Variants in KIAA1671 observed in about 807,000 individuals in gnomAD.
KIAA1671 encodes KIAA1671, also known as uncharacterized protein KIAA1671.
A neutral mutation model predicts 131.2 loss-of-function variants in KIAA1671; 52 were observed. The observed-to-expected ratio is 0.40, with a 90% CI of 0.32 to 0.50. The LOEUF is 0.50. Ranked by LOEUF, KIAA1671 falls within the 20% of genes least tolerant of loss-of-function variation. The probability of loss-of-function intolerance (pLI) is 0.73; values close to 1 mark genes in which losing one functional copy is unlikely to be tolerated. For missense variants in KIAA1671, 2,360 were observed against 2,364.2 expected, an observed-to-expected ratio of 1.00 and a Z score of 0.04; for synonymous variants, 1,003 against 961.6, an observed-to-expected ratio of 1.04 and a Z score of -0.80.
At chr22:25,018,867 G>T (rs7292556) in intron 1 of KIAA1671, among the ~76,000 whole-genome samples, 20,456 of 152,054 alleles carry the variant, frequency 0.13, 2,340 homozygotes, top group African/African-American at 0.31. Context: ...TTCAAACATT[G>T]GTGTACAAAT....
chr22:25,151,581 T>A (rs1032794608), intron 6 of KIAA1671, among the ~76,000 whole-genome samples: 2 of 151,226 alleles, frequency 1.3e-5, no homozygotes, highest in Admixed American at 1.3e-4. Context: ...ACAGGTGTAG[T>A]CCACCACACC....
chr22:25,165,962 G>C (rs1933632541), intron 6 of KIAA1671, among the ~76,000 whole-genome samples: 1 of 152,146 alleles, frequency 6.6e-6, no homozygotes, highest in Non-Finnish European at 1.5e-5. Flanking sequence ...ACCCATGCAG[G>C]TCCCGCAGGC....
intron 1 of KIAA1671, among the ~76,000 whole-genome samples, chr22:24,988,916 T>G (rs1923693975): frequency 6.6e-6 from 1 of 152,024 alleles, no homozygotes; most frequent in African/African-American, 2.4e-5. Context: ...TTGGAAAAAC[T>G]GAGGCTCAAA....
intron 1 of KIAA1671, among the ~76,000 whole-genome samples, chr22:24,989,034 C>T (rs530345380): frequency 1.4e-4 from 22 of 152,160 alleles, no homozygotes; most frequent in Non-Finnish European, 2.8e-4. Flanking sequence ...ACTCCCAGGC[C>T]CAGTACACTC....
chr22:25,004,205 T>G (rs2123866354), intron 1 of KIAA1671, among the ~76,000 whole-genome samples: 1 of 151,936 alleles, frequency 6.6e-6, no homozygotes, highest in African/African-American at 2.4e-5. Flanking sequence ...AGCCTTGAAC[T>G]CCTGGGCTCC....
intron 6 of KIAA1671, among the ~76,000 whole-genome samples, chr22:25,142,682 A>C (rs1932823636): frequency 6.6e-6 from 1 of 152,044 alleles, no homozygotes; most frequent in African/African-American, 2.4e-5. Context: ...GACCAGCCTG[A>C]CTGATATGGT....
At chr22:25,179,125 G>GA (rs1256542859) in intron 9 of KIAA1671, among the ~76,000 whole-genome samples, 1 of 152,218 alleles carries the variant, frequency 6.6e-6, no homozygotes, top group Non-Finnish European at 1.5e-5. Context: ...TCCTGCAGGG[G>GA]AAGCCGTGGT....
At chr22:25,115,412 G>A (rs550346011) in intron 6 of KIAA1671, among the ~76,000 whole-genome samples, 1 of 152,324 alleles carries the variant, frequency 6.6e-6, no homozygotes, top group Non-Finnish European at 1.5e-5. Flanking sequence ...CGTGCAAACT[G>A]AGTGACCTTG....
rs191984238 is a variant in KIAA1671 at position 25,184,876 on chromosome 22, C to T, written c.5200-101C>T. 770 of 1,414,014 alleles carry T rather than the reference C, an allele frequency of 5.4e-4. 3 individuals carry two copies. The highest frequency in any genetic ancestry group is 4.8e-3 in the Middle Eastern group (20 of 4,150). 87.6% of individuals were successfully genotyped at this position (1,414,014 alleles called of 1,614,324 possible). ...GGGTTTATTCCGATTCAGGGGGCCCCGAGTGTTTGCAGAAGGCTCATTGTA... is the reference window on the plus strand; with the variant it reads ...GGGTTTATTCCGATTCAGGGGGCCCTGAGTGTTTGCAGAAGGCTCATTGTA... On this transcript the variant is annotated intron_variant, in intron 10 of 12. Transcript: ENST00000358431.
chr22:25,183,842 ATCCT>A (rs935698859), intron 10 of KIAA1671, among the ~76,000 whole-genome samples: 5 of 117,336 alleles, frequency 4.3e-5, no homozygotes, highest in African/African-American at 6.4e-5. Context: ...CCTCCCTCCC[ATCCT>A]TCCTTCCTTC....
chr22:25,139,968 CA>C (rs1932782734), intron 6 of KIAA1671, among the ~76,000 whole-genome samples: 2 of 152,178 alleles, frequency 1.3e-5, no homozygotes, highest in Admixed American at 6.5e-5. Flanking sequence ...GGTGTGGTGG[CA>C]GTGCAATTGA....
chr22:25,187,558 C>T (rs1934520559), intron 11 of KIAA1671, among the ~76,000 whole-genome samples: 1 of 152,052 alleles, frequency 6.6e-6, no homozygotes, highest in African/African-American at 2.4e-5. Flanking sequence ...ACTCTGTCAC[C>T]CAGGCTGGAA....
chr22:25,038,548 C>T (rs896544226), intron 4 of KIAA1671, among the ~76,000 whole-genome samples: 4 of 152,152 alleles, frequency 2.6e-5, no homozygotes, highest in Non-Finnish European at 4.4e-5. Flanking sequence ...ATTGCTTTGC[C>T]CAAAGTCGGG....
chr22:24,968,101 A>G (rs1049736925), intron 1 of KIAA1671, among the ~76,000 whole-genome samples: 1 of 152,188 alleles, frequency 6.6e-6, no homozygotes, highest in African/African-American at 2.4e-5. Context: ...TTAACTCGAG[A>G]AAGGCAGTGG....
At position 25,030,118 on chromosome 22, in the gene KIAA1671, T is replaced by C. The variant is rs542958252; in HGVS notation, c.1541+578T>C. ...AGTCAGTTGGTTAATAATGATACTC[T>C]AAGTCAGTTGGTTAATACCGATGTT... On this transcript the variant is annotated intron_variant, in intron 3 of 12. Coordinates refer to ENST00000358431, the MANE Select transcript of KIAA1671 (RefSeq NM_001145206.2). Among the ~76,000 whole-genome samples, 6 of 152,376 alleles carry C rather than the reference T, an allele frequency of 3.9e-5. No individual in the cohort carries two copies. In the South Asian group the frequency reaches 1.2e-3, roughly 32 times the overall value.
At chr22:25,177,157 T>C (rs1934061517) in intron 8 of KIAA1671, 191 bp from the exon 9 acceptor site, 2 of 596,160 alleles carry the variant, frequency 3.4e-6, no homozygotes, top group South Asian at 4.5e-5. Flanking sequence ...CATCAGCCTA[T>C]GGGGTATGTT....
intron 6 of KIAA1671, among the ~76,000 whole-genome samples, chr22:25,169,302 C>A (rs1027924165): frequency 6.6e-6 from 1 of 151,688 alleles, no homozygotes; most frequent in Admixed American, 6.6e-5. Context: ...ACCTATACTC[C>A]CAGCTACTTG....
intron 9 of KIAA1671, 73 bp downstream of exon 9, chr22:25,177,595 A>G: frequency 7.4e-7 from 1 of 1,343,102 alleles, no homozygotes; most frequent in Non-Finnish European, 1.0e-6. Context: ...GCCCTATGAA[A>G]AAATTCCTGA....
rs1408476238 is a variant in KIAA1671 at position 25,040,792 on chromosome 22, A to G, written c.3662A>G (p.Glu1221Gly). ...LSLKVPGEAQ[E>G]RRSPTVEPST... ...CTGAAAGTCCCTGGGGAGGCTCAGGAGAGGAGGAGTCCCACCGTGGAGCCC... is the reference window on the plus strand; with the variant it reads ...CTGAAAGTCCCTGGGGAGGCTCAGGGGAGGAGGAGTCCCACCGTGGAGCCC... The change falls in exon 5 of 13, where the codon GAG becomes GGG. Residue 1221 changes from glutamate (E) to glycine (G), a missense_variant. Physicochemically the swap from Glu to Gly is moderately conservative, Grantham distance 98. This residue lies in a region of KIAA1671 where 1,161 missense variants were observed against 1,204.7 expected (regional missense o/e 0.96). Transcript: ENST00000358431. The G allele has an allele frequency of 1.3e-6, 2 of 1,551,728 alleles. No homozygotes were observed. Among genetic ancestry groups the G allele is most frequent in the East Asian group, 4.9e-5 (2 of 40,914 alleles).
Sources: gnomAD v4.1 joint callset for allele counts (sites outside exome capture counted in the v4.1 genomes callset) on GRCh38, gnomAD v4.1.1 for gene constraint, gnomAD v4.1.1 regional missense constraint, MANE v1.5 for transcripts, NCBI Gene and HGNC (gene_info 2026-07-23, HGNC 2026-07-21) for gene names.